The following SEMA4D variants were observed in gnomAD, a reference collection of about 807,000 sequenced individuals.
SEMA4D encodes the protein semaphorin 4D.
Under a neutral mutation model 74.8 loss-of-function variants are expected in SEMA4D, and 22 were observed. The observed-to-expected ratio is 0.29, with a 90% CI of 0.21 to 0.42. SEMA4D has a LOEUF of 0.42. Among genes scored for constraint, SEMA4D ranks in the 10% least tolerant of loss-of-function variants. The pLI is 1.00. For missense variants in SEMA4D, 937 were observed against 1,118.4 expected (o/e 0.84, Z 2.31); for synonymous variants, 445 against 463.7 (o/e 0.96, Z 0.52).
exon 19 of SEMA4D, chr9:89,362,391 C>A (rs777861625): frequency 6.2e-7 from 1 of 1,614,098 alleles, no homozygotes; most frequent in East Asian, 2.2e-5. Flanking sequence ...TCAGGGACTC[C>A]TTCCTGGTGG....
At chr9:89,432,693 C>CA (rs201081412) in intron 2 of SEMA4D, among the ~76,000 whole-genome samples, 52 of 150,274 alleles carry the variant, frequency 3.5e-4, no homozygotes, top group East Asian at 1.6e-3. Flanking sequence ...TGGCCACTAC[C>CA]AAAAAAAAAG....
intron 1 of SEMA4D, among the ~76,000 whole-genome samples, chr9:89,461,716 TTTTG>T (rs200644764): frequency 0.094 from 13,684 of 145,442 alleles, 702 homozygotes; most frequent in African/African-American, 0.13. Flanking sequence ...TTTTTTTTTT[TTTTG>T]GAGACAGAGT....
At chr9:89,363,897 A>C in exon 17 of SEMA4D, 1 of 1,614,104 alleles carries the variant, frequency 6.2e-7, no homozygotes. Context: ...ACAGGGACAC[A>C]GGTCTCCAGA....
chr9:89,453,852 T>C (rs917471784), intron 2 of SEMA4D, among the ~76,000 whole-genome samples: 1 of 141,732 alleles, frequency 7.1e-6, no homozygotes, highest in African/African-American at 2.5e-5. Context: ...TTGTAGAATA[T>C]ATGTCTTTTT....
chr9:89,496,625 C>T (rs990158032), intron 1 of SEMA4D, among the ~76,000 whole-genome samples: 3 of 152,226 alleles, frequency 2.0e-5, no homozygotes, highest in Non-Finnish European at 4.4e-5. Flanking sequence ...TGGCTGACGA[C>T]TACCAAGACA....
intron 2 of SEMA4D, among the ~76,000 whole-genome samples, chr9:89,444,237 C>G (rs1436799591): frequency 6.6e-6 from 1 of 152,174 alleles, no homozygotes; most frequent in Non-Finnish European, 1.5e-5. Flanking sequence ...ATGGCCTCCT[C>G]CCTGGCTGCC....
chr9:89,449,235 T>C (rs1001938771), intron 2 of SEMA4D, among the ~76,000 whole-genome samples: 32 of 152,212 alleles, frequency 2.1e-4, no homozygotes, highest in African/African-American at 6.0e-4. Context: ...TGCAAAATAA[T>C]AGCACTTAAA....
At chr9:89,423,547 G>C (rs144618507) in intron 2 of SEMA4D, among the ~76,000 whole-genome samples, 1 of 152,078 alleles carries the variant, frequency 6.6e-6, no homozygotes, top group Non-Finnish European at 1.5e-5. Flanking sequence ...TTGCTTCTTA[G>C]TTTCTCCCCC....
chr9:89,473,530 G>A (rs1564920896), intron 1 of SEMA4D, among the ~76,000 whole-genome samples: 2 of 152,036 alleles, frequency 1.3e-5, no homozygotes, highest in African/African-American at 2.4e-5. Flanking sequence ...AAGGTTGCAG[G>A]GAATCAGCCT....
At chr9:89,419,643 T>C (rs1846474603) in intron 2 of SEMA4D, among the ~76,000 whole-genome samples, 1 of 152,228 alleles carries the variant, frequency 6.6e-6, no homozygotes, top group African/African-American at 2.4e-5. Flanking sequence ...CCAGGCACTG[T>C]GGCTCACGCC....
Position 89,381,996 on chromosome 9 carries a change from G to C in SEMA4D, c.1447-650C>G, listed in dbSNP as rs188805639. Among the ~76,000 whole-genome samples the C allele has an allele frequency of 2.6e-5, 4 of 152,330 alleles. No individual in the cohort carries two copies. The highest frequency in any genetic ancestry group is 9.6e-5 in the African/African-American group (4 of 41,572). ...ATGTAAAAGGGAAGAGCTCACAGAC[G>C]GGAAGTCAACCTCCGAGCTCCAGAG... On this transcript the variant is annotated intron_variant, in intron 13 of 15. Transcript: ENST00000422704. The surrounding 1 kb of genome is among the most constrained non-coding windows in gnomAD (Gnocchi z 4.6).
chr9:89,495,519 A>T (rs2136304269), intron 1 of SEMA4D, among the ~76,000 whole-genome samples: 1 of 152,230 alleles, frequency 6.6e-6, no homozygotes, highest in Non-Finnish European at 1.5e-5. Flanking sequence ...ACCCTGGCCC[A>T]GGGAAGAGAG....
downstream of SEMA4D, among the ~76,000 whole-genome samples, chr9:89,372,495 T>C (rs1250764881): frequency 1.3e-5 from 2 of 151,790 alleles, no homozygotes; most frequent in African/African-American, 2.4e-5. Flanking sequence ...GCTAGCCGCA[T>C]GACAAAGCTT....
chr9:89,460,122 G>C (rs920178232), intron 1 of SEMA4D, among the ~76,000 whole-genome samples: 1 of 152,066 alleles, frequency 6.6e-6, no homozygotes. Flanking sequence ...TGCATCCCCC[G>C]CCTGCTCCCG....
In SEMA4D at chr9:89,379,013, C is replaced by A. The variant is rs1200767612; in HGVS notation, c.2280G>T (p.Leu760=). ...AGCGGAATTTCAAGCACTGTCTGGGCAGGTATCCCTTATAGCAGTTGTAGA... is the reference window on the plus strand; with the variant it reads ...AGCGGAATTTCAAGCACTGTCTGGGAAGGTATCCCTTATAGCAGTTGTAGA... ...LFFYNCYKGY[L]PRQCLKFRSA... The change falls in exon 16 of 16, where the codon CTG becomes CTT. Residue 760 remains leucine, a synonymous_variant. Coordinates refer to ENST00000422704, the MANE Select transcript of SEMA4D (RefSeq NM_001371194.2). 6.2e-7 allele frequency: 1 copy of A among 1,612,062 alleles called. No homozygotes were observed. Among genetic ancestry groups the A allele is most frequent in the Admixed American group, 1.7e-5 (1 of 59,494 alleles).
chr9:89,435,617 G>A (rs565233932), intron 2 of SEMA4D, among the ~76,000 whole-genome samples: 20 of 152,188 alleles, frequency 1.3e-4, no homozygotes, highest in Admixed American at 1.1e-3. Context: ...AGAACCCAGG[G>A]ACAAACAAGG....
At chr9:89,373,141 C>G (rs76909823), downstream of SEMA4D, among the ~76,000 whole-genome samples, 944 of 152,268 alleles carry the variant, frequency 6.2e-3, 10 homozygotes, top group African/African-American at 0.021. Flanking sequence ...CTCAAGCTCT[C>G]GCATCCCCAG....
At chr9:89,398,238 A>C (rs1841431095) in intron 5 of SEMA4D, among the ~76,000 whole-genome samples, 1 of 152,130 alleles carries the variant, frequency 6.6e-6, no homozygotes, top group African/African-American at 2.4e-5. Context: ...TGTGCCTATA[A>C]GAGCCCAGAC....
At chr9:89,439,907 A>C (rs1357743031) in intron 2 of SEMA4D, among the ~76,000 whole-genome samples, 1 of 152,218 alleles carries the variant, frequency 6.6e-6, no homozygotes, top group East Asian at 1.9e-4. Context: ...CAATTTAAGC[A>C]TTCACTTACT....
Sources: gnomAD v4.1 joint callset for allele counts (sites outside exome capture counted in the v4.1 genomes callset) on GRCh38, gnomAD v4.1.1 for gene constraint, Gnocchi (gnomAD v3.1) non-coding constraint, MANE v1.5 for transcripts, NCBI Gene and HGNC (gene_info 2026-07-23, HGNC 2026-07-21) for gene names.